The following PDGFC variants were observed in gnomAD, a reference collection of about 807,000 sequenced individuals.
PDGFC encodes the protein platelet derived growth factor C.
A neutral mutation model predicts 35.5 loss-of-function variants in PDGFC; 12 were observed. That is an observed-to-expected ratio of 0.34 (90% CI 0.22 to 0.55). PDGFC has a LOEUF of 0.55. PDGFC is among the 20% of genes least tolerant of loss of function. The probability of loss-of-function intolerance (pLI) is 0.91; values close to 1 mark genes in which losing one functional copy is unlikely to be tolerated. For synonymous variants in PDGFC, 159 were observed against 148.8 expected (o/e 1.07, Z -0.50); for missense variants, 322 against 412.4 (o/e 0.78, Z 1.90).
intron 3 of PDGFC, 71 bp downstream of exon 3, chr4:156,810,766 T>C (rs1731910669): frequency 1.0e-6 from 1 of 957,642 alleles, no homozygotes; most frequent in South Asian, 1.6e-5. Flanking sequence ...TTCTCATGTG[T>C]AAGAGGAGAA....
chr4:156,933,239 T>C (rs549996055), intron 1 of PDGFC, among the ~76,000 whole-genome samples: 1 of 152,358 alleles, frequency 6.6e-6, no homozygotes, highest in Non-Finnish European at 1.5e-5. Flanking sequence ...TGCTTATATA[T>C]TTAATAAGAT....
At chr4:156,764,810 T>C (rs1373649676) in intron 5 of PDGFC, among the ~76,000 whole-genome samples, 2 of 152,212 alleles carry the variant, frequency 1.3e-5, no homozygotes, top group Non-Finnish European at 2.9e-5. Context: ...CACTATTCCT[T>C]ATCACAGTCT....
chr4:156,954,714 C>G (rs1484011898), intron 1 of PDGFC, among the ~76,000 whole-genome samples: 4 of 151,920 alleles, frequency 2.6e-5, no homozygotes, highest in Non-Finnish European at 4.4e-5. Context: ...TCATTTTACT[C>G]AGTCTAAGCA....
intron 3 of PDGFC, among the ~76,000 whole-genome samples, chr4:156,801,113 C>T (rs764065584): frequency 1.3e-5 from 2 of 152,122 alleles, no homozygotes; most frequent in African/African-American, 4.8e-5. Context: ...TCCTTCCAGA[C>T]GTTTGCATTT....
chr4:156,957,572 C>T (rs189247324), intron 1 of PDGFC, among the ~76,000 whole-genome samples: 18 of 152,078 alleles, frequency 1.2e-4, no homozygotes, highest in African/African-American at 3.6e-4. Flanking sequence ...GGGATTTCTT[C>T]CTGTGAGATT....
At chr4:156,768,355 AG>A (rs1459803931) in intron 4 of PDGFC, among the ~76,000 whole-genome samples, 1 of 152,036 alleles carries the variant, frequency 6.6e-6, no homozygotes, top group Admixed American at 6.6e-5. Flanking sequence ...ACAGGAGAGA[AG>A]AATAAAATGC....
At chr4:156,763,546 T>A (rs1335923871) in intron 5 of PDGFC, among the ~76,000 whole-genome samples, 1 of 152,208 alleles carries the variant, frequency 6.6e-6, no homozygotes, top group Non-Finnish European at 1.5e-5. Flanking sequence ...GAACTACCAA[T>A]ATAAAATTCG....
chr4:156,875,229 G>T (rs1224149996), intron 1 of PDGFC, among the ~76,000 whole-genome samples: 2 of 152,174 alleles, frequency 1.3e-5, no homozygotes, highest in East Asian at 3.8e-4. Context: ...TGTATTCAGG[G>T]ATGATCCTGG....
chr4:156,918,602 A>G (rs556181749), intron 1 of PDGFC, among the ~76,000 whole-genome samples: 59 of 152,292 alleles, frequency 3.9e-4, no homozygotes, highest in African/African-American at 1.4e-3. Context: ...TCACAGGAAC[A>G]CGGACCCTAT....
At chr4:156,855,257 TA>T (rs1315902355) in intron 1 of PDGFC, among the ~76,000 whole-genome samples, 51 of 152,162 alleles carry the variant, frequency 3.4e-4, no homozygotes, top group African/African-American at 1.2e-3. Flanking sequence ...AAGAGAATCA[TA>T]AAATGCAATT....
chr4:156,862,415 T>G (rs1390007711), intron 1 of PDGFC, among the ~76,000 whole-genome samples: 1 of 152,142 alleles, frequency 6.6e-6, no homozygotes, highest in Non-Finnish European at 1.5e-5. Context: ...TGAAGAACAT[T>G]CAAAATTGAA....
At chr4:156,783,240 T>C (rs1025240860) in intron 3 of PDGFC, among the ~76,000 whole-genome samples, 4 of 152,050 alleles carry the variant, frequency 2.6e-5, no homozygotes, top group Non-Finnish European at 5.9e-5. Flanking sequence ...CAGGAATGAA[T>C]TGGGGTCTGA....
At chr4:156,961,176 T>C (rs1396881984) in intron 1 of PDGFC, among the ~76,000 whole-genome samples, 3 of 152,144 alleles carry the variant, frequency 2.0e-5, no homozygotes, top group African/African-American at 4.8e-5. Context: ...CTAATCACCC[T>C]AGACTATGAA....
chr4:156,880,939 T>A (rs1039993399), intron 1 of PDGFC, among the ~76,000 whole-genome samples: 8 of 152,178 alleles, frequency 5.3e-5, no homozygotes, highest in African/African-American at 1.9e-4. Flanking sequence ...ACTGTTAAAA[T>A]GACAACACAG....
chr4:156,839,835 G>A (rs527424497), intron 2 of PDGFC, among the ~76,000 whole-genome samples: 92 of 152,196 alleles, frequency 6.0e-4, no homozygotes, highest in Non-Finnish European at 1.1e-3. Flanking sequence ...CTCAGATGGA[G>A]ATAAGGAACT....
chr4:156,854,860 T>C (rs1456231971), intron 1 of PDGFC, among the ~76,000 whole-genome samples: 2 of 152,144 alleles, frequency 1.3e-5, no homozygotes, highest in Non-Finnish European at 2.9e-5. Flanking sequence ...ATTTATCACA[T>C]GATCCTTGCA....
intron 1 of PDGFC, among the ~76,000 whole-genome samples, chr4:156,911,449 AT>A (rs1298089814): frequency 6.6e-6 from 1 of 152,034 alleles, no homozygotes; most frequent in Non-Finnish European, 1.5e-5. Flanking sequence ...TTAATACTGT[AT>A]TTTGAGGTAT....
At position 156,945,667 on chromosome 4, in the gene PDGFC, G is replaced by A. The variant is rs543526528; in HGVS notation, c.118+25119C>T. ...CTTGTACAAATGAAATTGCAGGAGCGATTGGCAGAGCAATTACTCATTTGG... is the reference window on the plus strand; with the variant it reads ...CTTGTACAAATGAAATTGCAGGAGCAATTGGCAGAGCAATTACTCATTTGG... On this transcript the variant is annotated intron_variant, in intron 1 of 5. Coordinates refer to ENST00000502773, the MANE Select transcript of PDGFC (RefSeq NM_016205.3). 3.3e-5 allele frequency among the ~76,000 whole-genome samples: 5 copies of A among 151,896 alleles called. No individual in the cohort carries two copies. The South Asian group carries it at 8.3e-4, about 25-fold the overall frequency.
At chr4:156,832,724 A>C (rs1417385806) in intron 2 of PDGFC, among the ~76,000 whole-genome samples, 3 of 152,210 alleles carry the variant, frequency 2.0e-5, no homozygotes, top group Admixed American at 6.5e-5. Context: ...GAATTTTTTC[A>C]ACCAAACTTG....
Sources: gnomAD v4.1 joint callset for allele counts (sites outside exome capture counted in the v4.1 genomes callset) on GRCh38, gnomAD v4.1.1 for gene constraint, MANE v1.5 for transcripts, NCBI Gene and HGNC (gene_info 2026-07-23, HGNC 2026-07-21) for gene names.